The following OXTR variants were observed in gnomAD, a reference collection of about 807,000 sequenced individuals.
OXTR encodes oxytocin receptor.
OXTR carries 19 observed loss-of-function variants against 23.9 expected under a neutral mutation model. The observed-to-expected ratio is 0.80, with a 90% CI of 0.56 to 1.17. The LOEUF is 1.17. Ranked by LOEUF, OXTR falls within the 50% of genes most tolerant of loss-of-function variation. The probability of loss-of-function intolerance (pLI) is 0.00; values close to 1 mark genes in which losing one functional copy is unlikely to be tolerated. For missense variants in OXTR, 500 were observed against 550.7 expected (o/e 0.91, Z 0.92); for synonymous variants, 278 against 250.5 (o/e 1.11, Z -1.04).
chr3:8,752,858 G>C lies in OXTR; in HGVS notation c.*119C>G. On this transcript the variant is annotated 3_prime_UTR_variant, in exon 4 of 4. Transcript: ENST00000316793. ...CACCCCACTGAAGCCACCCCAAGGA[G>C]GGGAGGGATACAAACTGATAGGTAC... 2 of 1,130,156 alleles carry C rather than the reference G, an allele frequency of 1.8e-6. No individual in the cohort carries two copies. The highest frequency in any genetic ancestry group is 2.6e-5 in the East Asian group (1 of 38,602). 70.0% of individuals were successfully genotyped at this position (1,130,156 alleles called of 1,614,324 possible). A position where few individuals can be genotyped will look rare whatever the true frequency, so the allele number is the denominator to read the frequency against.
At chr3:8,742,313 T>A in the OXTR span, 1 of 269,074 alleles carries the variant, frequency 3.7e-6, no homozygotes, top group East Asian at 9.9e-5. Flanking sequence ...CCAAAGGCAA[T>A]CCCTGGAAAT....
rs1559679774 is a variant in OXTR, at chr3:8,767,465, G to A, written c.723C>T (p.Ala241=). ...CAGCCGCCGCGCCCTCTGGCGCCTC[G>A]GCCGCCGCCGCTGCAGCGGTCTTGA... ...LRLKTAAAAA[A]EAPEGAAAGD... is the part of the protein sequence containing the mutation. Residue 241 remains alanine (A), a synonymous_variant, in exon 3 of 4, where the codon GCC becomes GCT. Coordinates refer to ENST00000316793, the MANE Select transcript of OXTR (RefSeq NM_000916.4). 1.2e-6 allele frequency: 2 copies of A among 1,600,172 alleles called. No homozygotes were observed. The highest frequency in any genetic ancestry group is 1.3e-5 in the African/African-American group (1 of 74,626).
chr3:8,761,096 A>T (rs1024958106), intron 3 of OXTR, among the ~76,000 whole-genome samples: 17 of 152,218 alleles, frequency 1.1e-4, no homozygotes, highest in African/African-American at 4.1e-4. Flanking sequence ...CTCCTCCCTG[A>T]CACACATACA....
In OXTR at chr3:8,767,553, G is replaced by A. The variant is rs544737187; in HGVS notation, c.635C>T (p.Pro212Leu). The A allele has an allele frequency of 2.5e-6, 4 of 1,613,328 alleles. No individual in the cohort carries two copies. In the South Asian group the frequency reaches 3.3e-5, roughly 13 times the overall value. The change falls in exon 3 of 4, where the codon CCG (proline) becomes CTG (leucine). Residue 212 changes from proline to leucine, a missense_variant. Transcript: ENST00000316793. Reference protein sequence around the residue: ...TWITLAVYIVPVIVLAACYGL... With the variant: ...TWITLAVYIVLVIVLAACYGL... The stretch of plus-strand genomic sequence containing the variant: ...GTAGCAGGCAGCGAGCACGATGACC[G>A]GCACGATGTAGACAGCTAGCGTGAT...
chr3:8,747,129 G>A (rs764383135), downstream of OXTR, among the ~76,000 whole-genome samples: 2 of 151,558 alleles, frequency 1.3e-5, no homozygotes, highest in South Asian at 2.1e-4. Flanking sequence ...TCAGGTTTTC[G>A]GAGACATTAT....
intron 3 of OXTR, among the ~76,000 whole-genome samples, chr3:8,765,295 G>A (rs1444378676): frequency 6.6e-6 from 1 of 152,232 alleles, no homozygotes; most frequent in Non-Finnish European, 1.5e-5. Flanking sequence ...GGGCTGAAAA[G>A]CAGGAAGCCA....
chr3:8,748,932 T>A (rs1198655497), downstream of OXTR, among the ~76,000 whole-genome samples: 1 of 152,142 alleles, frequency 6.6e-6, no homozygotes, highest in Non-Finnish European at 1.5e-5. Flanking sequence ...AGTTTCCACG[T>A]TCACTTTTGA....
At chr3:8,743,483 A>G in the OXTR span, among the ~76,000 whole-genome samples, 2 of 152,084 alleles carry the variant, frequency 1.3e-5, no homozygotes, top group Admixed American at 6.5e-5. Context: ...CTCTCCTCCC[A>G]TCCACAGGGT....
rs199847475 is a variant in OXTR, at chr3:8,750,704, G to A, written c.*2273C>T. The A allele has an allele frequency of 6.6e-6, 1 of 152,188 alleles. No individual in the cohort carries two copies. Among genetic ancestry groups the A allele is most frequent in the Non-Finnish European group, 1.5e-5 (1 of 68,032 alleles). 9.4% of individuals were successfully genotyped at this position (152,188 alleles called of 1,614,324 possible). On this transcript the variant is annotated 3_prime_UTR_variant, in exon 4 of 4. Transcript: ENST00000316793. Reference sequence around the variant, plus strand: ...AAGGCTCATCCATGTTGTGGCATGTGTGAGTACTTCATTTCTTTTTAGAGT... The same window carrying A: ...AAGGCTCATCCATGTTGTGGCATGTATGAGTACTTCATTTCTTTTTAGAGT...
At position 8,768,159 on chromosome 3, in the gene OXTR, C is replaced by T. The variant is rs1044054410; in HGVS notation, c.29G>A (p.Ser10Asn). Residue 10 changes from serine to asparagine, a missense_variant, in exon 3 of 4, where the codon AGC (serine) becomes AAC (asparagine). Transcript: ENST00000316793. This position sits in a 1 kb window ranked among gnomAD's most constrained non-coding sequence, Gnocchi z 5.4. MEGALAANW[S>N]AEAANASAAP... ...GGCGCTGGCGTTGGCTGCCTCGGCG[C>T]TCCAGTTGGCTGCGAGCGCGCCCTC... is the stretch of plus-strand genomic sequence containing the variant. 7.5e-6 allele frequency: 10 copies of T among 1,330,252 alleles called. No homozygotes were observed. In the African/African-American group the frequency reaches 1.4e-4, roughly 18 times the overall value. The allele number at this position is 1,330,252 out of a possible 1,614,324, so 82.4% of individuals were successfully genotyped here. A position where few individuals can be genotyped will look rare whatever the true frequency, so the allele number is the denominator to read the frequency against.
At chr3:8,744,652 T>C in the OXTR span, among the ~76,000 whole-genome samples, 13 of 152,098 alleles carry the variant, frequency 8.5e-5, no homozygotes, top group African/African-American at 2.9e-4. Context: ...GCTTCATGCA[T>C]AGCAGGGCTC....
intron 3 of OXTR, among the ~76,000 whole-genome samples, chr3:8,762,752 C>T (rs1484351395): frequency 6.6e-6 from 1 of 152,248 alleles, no homozygotes; most frequent in Non-Finnish European, 1.5e-5. Flanking sequence ...ACAGTTCAAA[C>T]CAGGCCTCCT....
intron 3 of OXTR, among the ~76,000 whole-genome samples, chr3:8,762,664 G>T (rs1015083624): frequency 6.6e-6 from 1 of 152,346 alleles, no homozygotes; most frequent in East Asian, 1.9e-4. Flanking sequence ...GAAAGGAAAG[G>T]TGTACGGGAC....
In OXTR at chr3:8,768,323, G is replaced by A; in HGVS notation, c.-136C>T. 30 of 1,195,922 alleles carry A rather than the reference G, an allele frequency of 2.5e-5. No homozygotes were observed. The highest frequency in any genetic ancestry group is 3.1e-5 in the Non-Finnish European group (30 of 962,390). The allele number at this position is 1,195,922 out of a possible 1,614,324, so 74.1% of individuals were successfully genotyped here. A position where few individuals can be genotyped will look rare whatever the true frequency, so the allele number is the denominator to read the frequency against. ...GAGACTCCACGGACGGATCTGCTGG[G>A]TCCACCCTGAAACAAACCGGGAGGG... On this transcript the variant is annotated 5_prime_UTR_variant, in exon 3 of 4. Transcript: ENST00000316793. The surrounding 1 kb of genome is among the most constrained non-coding windows in gnomAD (Gnocchi z 5.4).
At chr3:8,760,849 G>A (rs541380676) in intron 3 of OXTR, among the ~76,000 whole-genome samples, 2 of 152,332 alleles carry the variant, frequency 1.3e-5, no homozygotes, top group Non-Finnish European at 2.9e-5. Flanking sequence ...GGTACACAAG[G>A]CAGGCTGGCC....
At chr3:8,764,809 C>T (rs1708568942) in intron 3 of OXTR, among the ~76,000 whole-genome samples, 1 of 152,152 alleles carries the variant, frequency 6.6e-6, no homozygotes, top group Non-Finnish European at 1.5e-5. Flanking sequence ...GCGGGGAGGT[C>T]CCGGCTGCAG....
intron 3 of OXTR, among the ~76,000 whole-genome samples, chr3:8,763,326 T>C (rs1050090742): frequency 6.6e-6 from 1 of 152,122 alleles, no homozygotes; most frequent in Non-Finnish European, 1.5e-5. Context: ...CCTTATTACA[T>C]GGAGGAGGAG....
intron 3 of OXTR, 120 bp from the exon 4 acceptor site, chr3:8,753,344 C>G: frequency 8.4e-7 from 1 of 1,186,742 alleles, no homozygotes. Context: ...GTACTACATC[C>G]TGAATCACAA....
Position 8,767,844 on chromosome 3 carries a change from A to G in OXTR, c.344T>C (p.Val115Ala), listed in dbSNP as rs1293739076. Residue 115 changes from valine to alanine, a missense_variant, in exon 3 of 4, where the codon GTC (valine) becomes GCC (alanine). Transcript: ENST00000316793. The part of the protein sequence containing the change: ...FYGPDLLCRL[V>A]KYLQVVGMFA... ...CATGCCCACCACCTGCAAGTACTTG[A>G]CCAGGCGGCACAGCAGGTCGGGCCC... 6 of 1,612,590 alleles carry G rather than the reference A, an allele frequency of 3.7e-6. No individual in the cohort carries two copies. The highest frequency in any genetic ancestry group is 5.1e-6 in the Non-Finnish European group (6 of 1,179,356).
Sources: allele counts gnomAD v4.1 joint callset (sites outside exome capture counted in the v4.1 genomes callset), GRCh38; gene constraint gnomAD v4.1.1; non-coding constraint Gnocchi (gnomAD v3.1); transcripts MANE v1.5; gene names NCBI Gene and HGNC (gene_info 2026-07-23, HGNC 2026-07-21).